Variants in MALRD1 observed in about 807,000 individuals in gnomAD.
The protein encoded by MALRD1 is MAM and LDL-receptor class A domain-containing protein 1.
A neutral mutation model predicts 242.1 loss-of-function variants in MALRD1; 247 were observed. The observed-to-expected ratio is 1.02, with a 90% CI of 0.92 to 1.13. The LOEUF (loss-of-function observed/expected upper bound fraction) is 1.13, where lower values mean the gene tolerates loss of function less well. Among genes scored for constraint, MALRD1 ranks in the 50% most tolerant of loss-of-function variants. The probability of loss-of-function intolerance (pLI) is 0.00; values close to 1 mark genes in which losing one functional copy is unlikely to be tolerated. For synonymous variants in MALRD1, 995 were observed against 866.6 expected (o/e 1.15, Z -2.60); for missense variants, 2,989 against 2,533.1 (o/e 1.18, Z -3.86).
At chr10:19,212,346 T>C (rs1332788462) in intron 18 of MALRD1, among the ~76,000 whole-genome samples, 1 of 152,202 alleles carries the variant, frequency 6.6e-6, no homozygotes, top group Non-Finnish European at 1.5e-5. Context: ...CTATGCACTT[T>C]TTTGTCTGAC....
chr10:19,133,804 T>C (rs1833211880), intron 8 of MALRD1, 52 bp from the exon 9 acceptor site: 1 of 782,634 alleles, frequency 1.3e-6, no homozygotes, highest in Non-Finnish European at 1.7e-6. Context: ...TGTATGTAAA[T>C]GTGAAGATTA....
At chr10:19,378,915 C>T (rs1845718991) in intron 26 of MALRD1, among the ~76,000 whole-genome samples, 1 of 152,032 alleles carries the variant, frequency 6.6e-6, no homozygotes, top group Admixed American at 6.6e-5. Context: ...TTGTAGAATT[C>T]ATCAGCCAAA....
intron 25 of MALRD1, among the ~76,000 whole-genome samples, chr10:19,350,929 A>G (rs779211306): frequency 6.6e-6 from 1 of 152,184 alleles, no homozygotes; most frequent in Non-Finnish European, 1.5e-5. Context: ...CACCGGTACC[A>G]GGACAATCCA....
At chr10:19,586,076 TCAG>T in intron 33 of MALRD1, among the ~76,000 whole-genome samples, 1 of 152,324 alleles carries the variant, frequency 6.6e-6, no homozygotes, top group African/African-American at 2.4e-5. Flanking sequence ...TTCAGCTCCA[TCAG>T]CTCCTTTAAG....
chr10:19,207,140 C>A (rs1256148754), intron 17 of MALRD1, among the ~76,000 whole-genome samples: 1 of 152,052 alleles, frequency 6.6e-6, no homozygotes, highest in Non-Finnish European at 1.5e-5. Flanking sequence ...CTTTTGGCAT[C>A]AAGTGTCATT....
chr10:19,555,442 T>G (rs1420388006), intron 32 of MALRD1, among the ~76,000 whole-genome samples: 2 of 151,962 alleles, frequency 1.3e-5, no homozygotes, highest in African/African-American at 4.8e-5. Context: ...GAGCAAACAT[T>G]TGAAGGAAGT....
intron 38 of MALRD1, 72 bp downstream of exon 38, chr10:19,692,626 AT>A (rs1299387137): frequency 4.0e-6 from 5 of 1,234,766 alleles, no homozygotes; most frequent in Non-Finnish European, 5.6e-6. Context: ...TTCCTTTGCT[AT>A]TTTTTTCTTT....
chr10:19,139,683 C>A (rs537273208), intron 10 of MALRD1, among the ~76,000 whole-genome samples: 1 of 152,294 alleles, frequency 6.6e-6, no homozygotes, highest in African/African-American at 2.4e-5. Context: ...AGCCTCCAGA[C>A]CGGTGGCTCT....
chr10:19,366,001 A>T (rs138946461), intron 26 of MALRD1, among the ~76,000 whole-genome samples: 76 of 152,144 alleles, frequency 5.0e-4, no homozygotes, highest in African/African-American at 1.8e-3. Context: ...TAGAGTAGCG[A>T]TCCACAACCT....
At chr10:19,255,010 A>G (rs1166505462) in intron 18 of MALRD1, among the ~76,000 whole-genome samples, 1 of 151,982 alleles carries the variant, frequency 6.6e-6, no homozygotes, top group Admixed American at 6.6e-5. Context: ...GAGTTCAGGA[A>G]AGTTGCTAGA....
intron 28 of MALRD1, among the ~76,000 whole-genome samples, chr10:19,419,357 C>G (rs1404150653): frequency 1.3e-5 from 2 of 152,028 alleles, no homozygotes; most frequent in African/African-American, 2.4e-5. Flanking sequence ...TGCAGTGGCA[C>G]GATCTCAGCT....
At chr10:19,359,760 GA>G (rs397947935) in intron 26 of MALRD1, among the ~76,000 whole-genome samples, 4 of 88,882 alleles carry the variant, frequency 4.5e-5, no homozygotes, top group Admixed American at 3.3e-4. Context: ...TGAAGTAGAT[GA>G]AAAAAAAAAT....
intron 26 of MALRD1, among the ~76,000 whole-genome samples, chr10:19,385,263 T>G (rs1389369452): frequency 1.3e-5 from 2 of 152,062 alleles, no homozygotes; most frequent in Non-Finnish European, 2.9e-5. Context: ...ATTGAGGTAA[T>G]AAAATGAATT....
chr10:19,536,236 A>G (rs1834667605), intron 32 of MALRD1, among the ~76,000 whole-genome samples: 1 of 152,014 alleles, frequency 6.6e-6, no homozygotes, highest in Non-Finnish European at 1.5e-5. Flanking sequence ...CTATCTTCCT[A>G]TTTTGGATTG....
chr10:19,173,485 A>C (rs192041985), intron 13 of MALRD1, among the ~76,000 whole-genome samples: 1 of 152,210 alleles, frequency 6.6e-6, no homozygotes, highest in Non-Finnish European at 1.5e-5. Flanking sequence ...CTCAATTTTT[A>C]TAGTCTATGC....
chr10:19,637,272 A>G (rs1043894761), intron 36 of MALRD1, among the ~76,000 whole-genome samples: 2 of 152,204 alleles, frequency 1.3e-5, no homozygotes, highest in East Asian at 1.9e-4. Context: ...TGTCAGTTTC[A>G]TGCCACCTAT....
intron 4 of MALRD1, among the ~76,000 whole-genome samples, chr10:19,102,167 A>G (rs1217318711): frequency 6.8e-6 from 1 of 147,336 alleles, no homozygotes; most frequent in Non-Finnish European, 1.5e-5. Flanking sequence ...ATAAAAATAT[A>G]TTTTTTGAAA....
At chr10:19,349,524 A>G (rs1179577008) in intron 25 of MALRD1, among the ~76,000 whole-genome samples, 1 of 152,196 alleles carries the variant, frequency 6.6e-6, no homozygotes, top group Non-Finnish European at 1.5e-5. Flanking sequence ...CAGTGACAGA[A>G]CTTGGTCAGC....
At position 19,462,342 on chromosome 10, in the gene MALRD1, C is replaced by T. The variant is rs76770682; in HGVS notation, c.5029+11852C>T. 1.9e-3 allele frequency among the ~76,000 whole-genome samples: 288 copies of T among 152,272 alleles called. 7 individuals carry two copies. The East Asian group carries it at 0.051, about 27-fold the overall frequency. Reference sequence around the variant, plus strand: ...AGACTAGGAAGAGCCACCATGCCCCCGAGTTTACTGAAATTATTCAAACTA... The same window carrying T: ...AGACTAGGAAGAGCCACCATGCCCCTGAGTTTACTGAAATTATTCAAACTA... On this transcript the variant is annotated intron_variant, in intron 29 of 39. Transcript: ENST00000454679.
Sources: allele counts gnomAD v4.1 joint callset (sites outside exome capture counted in the v4.1 genomes callset), GRCh38; gene constraint gnomAD v4.1.1; transcripts MANE v1.5; gene names NCBI Gene and HGNC (gene_info 2026-07-23, HGNC 2026-07-21).